The following HSD17B4 variants were observed in gnomAD, a reference collection of about 807,000 sequenced individuals.
The protein encoded by HSD17B4 is peroxisomal multifunctional enzyme type 2.
In HSD17B4, 70 loss-of-function variants were observed where a neutral mutation model predicts 101.0. The observed-to-expected ratio is 0.69, with a 90% CI of 0.57 to 0.85. The LOEUF is 0.85. HSD17B4 is among the 40% of genes least tolerant of loss of function. The probability of loss-of-function intolerance (pLI) is 0.00; values close to 1 mark genes in which losing one functional copy is unlikely to be tolerated. For synonymous variants in HSD17B4, 347 were observed against 297.1 expected, an observed-to-expected ratio of 1.17 and a Z score of -1.73; for missense variants, 984 against 892.4, an observed-to-expected ratio of 1.10 and a Z score of -1.31.
chr5:119,503,425 C>A (rs1287356714), intron 14 of HSD17B4, among the ~76,000 whole-genome samples: 1 of 152,024 alleles, frequency 6.6e-6, no homozygotes, highest in East Asian at 1.9e-4. Flanking sequence ...TTTTCTCAGC[C>A]TGTGCATTTT....
intron 2 of HSD17B4, among the ~76,000 whole-genome samples, chr5:119,467,318 A>C (rs1755908254): frequency 6.6e-6 from 1 of 152,172 alleles, no homozygotes; most frequent in African/African-American, 2.4e-5. Context: ...TTGTTTATAG[A>C]GCAGTTTAAG....
intron 14 of HSD17B4, among the ~76,000 whole-genome samples, chr5:119,502,586 C>G (rs567461969): frequency 6.6e-6 from 1 of 151,410 alleles, no homozygotes; most frequent in Admixed American, 6.6e-5. Flanking sequence ...TTTAGTAAAT[C>G]TCTTTTAATT....
intron 4 of HSD17B4, among the ~76,000 whole-genome samples, chr5:119,474,816 A>T (rs1056055887): frequency 3.9e-5 from 6 of 152,310 alleles, no homozygotes; most frequent in African/African-American, 1.4e-4. Context: ...TTGGATAATT[A>T]TAATAATTTG....
chr5:119,541,602 A>G (rs1754997127), intron 23 of HSD17B4, among the ~76,000 whole-genome samples: 2 of 152,208 alleles, frequency 1.3e-5, no homozygotes, highest in African/African-American at 4.8e-5. Flanking sequence ...ATATGGTCTC[A>G]AATTGTAAGA....
At chr5:119,507,382 A>G (rs1751751350) in intron 15 of HSD17B4, among the ~76,000 whole-genome samples, 1 of 152,218 alleles carries the variant, frequency 6.6e-6, no homozygotes, top group Admixed American at 6.5e-5. Flanking sequence ...GATGTGGTTT[A>G]AACACCACAG....
intron 2 of HSD17B4, among the ~76,000 whole-genome samples, chr5:119,463,005 C>T (rs936290688): frequency 6.6e-6 from 1 of 152,174 alleles, no homozygotes; most frequent in South Asian, 2.1e-4. Flanking sequence ...CTATTCCCCT[C>T]TTCCCTGCTA....
chr5:119,536,761 T>C (rs1400383716), intron 23 of HSD17B4, among the ~76,000 whole-genome samples: 1 of 152,100 alleles, frequency 6.6e-6, no homozygotes, highest in Non-Finnish European at 1.5e-5. Context: ...TGAACCCACA[T>C]CTAGATTTTT....
At chr5:119,515,875 G>C (rs1031748971) in intron 17 of HSD17B4, among the ~76,000 whole-genome samples, 4 of 152,142 alleles carry the variant, frequency 2.6e-5, no homozygotes, top group Admixed American at 2.6e-4. Context: ...GTAGAGGATA[G>C]GAGAAGGGAG....
At chr5:119,465,838 T>A (rs938912462) in intron 2 of HSD17B4, among the ~76,000 whole-genome samples, 3 of 152,236 alleles carry the variant, frequency 2.0e-5, no homozygotes, top group African/African-American at 7.2e-5. Flanking sequence ...CTAATTGTCC[T>A]GGCTAGTACT....
chr5:119,481,941 T>G (rs1749178114), intron 8 of HSD17B4, among the ~76,000 whole-genome samples: 1 of 152,118 alleles, frequency 6.6e-6, no homozygotes, highest in Non-Finnish European at 1.5e-5. Context: ...TCTTCCAAGA[T>G]TTTCTCCTTA....
At chr5:119,525,708 G>GTTTT (rs1306903316) in intron 18 of HSD17B4, 3 of 564,788 alleles carry the variant, frequency 5.3e-6, no homozygotes, top group Non-Finnish European at 6.2e-6. Context: ...TTCTTTTCCT[G>GTTTT]TTTTGTTTTT....
intron 16 of HSD17B4, chr5:119,509,558 C>G (rs1395415856): frequency 2.4e-6 from 1 of 423,166 alleles, no homozygotes; most frequent in Non-Finnish European, 4.4e-6. Context: ...TCTTCTTCCT[C>G]TTCTTCTTTT....
intron 1 of HSD17B4, among the ~76,000 whole-genome samples, chr5:119,453,398 T>C (rs1754279190): frequency 6.6e-6 from 1 of 152,212 alleles, no homozygotes; most frequent in Non-Finnish European, 1.5e-5. Flanking sequence ...AAAATTGTTA[T>C]GTGAAATAGC....
chr5:119,493,769 C>A lies in HSD17B4; in HGVS notation c.740-49C>A, dbSNP rs752789627. ...AAAGGGTTCTTATGCATCTTACTTT[C>A]TGTCTCTCAACTATGTGCTCAGTAT... On this transcript the variant is annotated intron_variant, in intron 10 of 23. Coordinates refer to ENST00000510025, the MANE Select transcript of HSD17B4 (RefSeq NM_000414.4). 28 of 1,578,068 alleles carry A rather than the reference C, an allele frequency of 1.8e-5. No individual in the cohort carries two copies. The Admixed American group carries it at 4.5e-4, about 25-fold the overall frequency.
At chr5:119,538,586 C>T (rs1221243701) in intron 23 of HSD17B4, among the ~76,000 whole-genome samples, 1 of 152,136 alleles carries the variant, frequency 6.6e-6, no homozygotes, top group African/African-American at 2.4e-5. Context: ...TTAGCTGTTA[C>T]CATGTCGTGT....
At chr5:119,494,201 A>G (rs910682662) in intron 11 of HSD17B4, among the ~76,000 whole-genome samples, 3 of 152,068 alleles carry the variant, frequency 2.0e-5, no homozygotes, top group Non-Finnish European at 4.4e-5. Context: ...ATGGCATAAG[A>G]TGTTTACTCA....
chr5:119,469,675 G>A (rs571844808), intron 2 of HSD17B4, among the ~76,000 whole-genome samples: 56 of 152,270 alleles, frequency 3.7e-4, no homozygotes, highest in African/African-American at 1.3e-3. Context: ...TGTTTCTTTT[G>A]TTCCTACATT....
intron 6 of HSD17B4, chr5:119,476,684 G>T: frequency 2.0e-6 from 2 of 985,534 alleles, no homozygotes; most frequent in Non-Finnish European, 2.4e-6. Flanking sequence ...GGCAAAGGGG[G>T]CCTATGTTGG....
intron 14 of HSD17B4, among the ~76,000 whole-genome samples, chr5:119,502,909 G>A (rs1260446398): frequency 6.6e-6 from 1 of 152,154 alleles, no homozygotes; most frequent in Non-Finnish European, 1.5e-5. Flanking sequence ...ACTTTGTGGT[G>A]ATTGTGCATT....
Sources: gnomAD v4.1 joint callset for allele counts (sites outside exome capture counted in the v4.1 genomes callset) on GRCh38, gnomAD v4.1.1 for gene constraint, MANE v1.5 for transcripts, NCBI Gene and HGNC (gene_info 2026-07-23, HGNC 2026-07-21) for gene names.